The following ASTN2 variants were observed in gnomAD, a reference collection of about 807,000 sequenced individuals.
ASTN2 encodes astrotactin-2.
In ASTN2, 54 loss-of-function variants were observed where a neutral mutation model predicts 139.8. The observed-to-expected ratio is 0.39, with a 90% CI of 0.31 to 0.48. ASTN2 has a LOEUF of 0.48. Among genes scored for constraint, ASTN2 ranks in the 20% least tolerant of loss-of-function variants. The pLI is 0.95. For missense variants in ASTN2, 1,565 were observed against 1,725.1 expected, an observed-to-expected ratio of 0.91 and a Z score of 1.64; for synonymous variants, 756 against 719.5, an observed-to-expected ratio of 1.05 and a Z score of -0.81.
chr9:117,113,611 G>A (rs577020694), intron 4 of ASTN2, among the ~76,000 whole-genome samples: 13 of 152,164 alleles, frequency 8.5e-5, no homozygotes, highest in East Asian at 3.9e-4. Flanking sequence ...AGCCGAGATC[G>A]CACCATTGCG....
chr9:116,507,062 T>C (rs902784791), intron 19 of ASTN2, among the ~76,000 whole-genome samples: 2 of 152,206 alleles, frequency 1.3e-5, no homozygotes, highest in Non-Finnish European at 2.9e-5. Flanking sequence ...TCAGGCACTG[T>C]GCTTGGTGCT....
At chr9:116,520,843 G>A (rs1850839373) in intron 19 of ASTN2, among the ~76,000 whole-genome samples, 1 of 152,020 alleles carries the variant, frequency 6.6e-6, no homozygotes, top group Admixed American at 6.6e-5. Flanking sequence ...CAGTAGCACT[G>A]ATATACAACA....
chr9:116,530,125 A>ATG (rs1218758211), intron 19 of ASTN2, among the ~76,000 whole-genome samples: 4 of 52,934 alleles, frequency 7.6e-5, no homozygotes, highest in Admixed American at 7.3e-4. Flanking sequence ...ATATATATAT[A>ATG]TATATATATA....
intron 16 of ASTN2, among the ~76,000 whole-genome samples, chr9:116,673,214 A>G (rs1859305368): frequency 6.6e-6 from 1 of 152,076 alleles, no homozygotes; most frequent in Non-Finnish European, 1.5e-5. Context: ...GTGTTCTTTC[A>G]TTTTCAATAA....
intron 13 of ASTN2, among the ~76,000 whole-genome samples, chr9:116,801,321 G>A (rs1401107709): frequency 2.6e-5 from 4 of 152,132 alleles, no homozygotes; most frequent in South Asian, 2.1e-4. Context: ...GGTGGCTCAC[G>A]CCTGTAATCC....
intron 3 of ASTN2, among the ~76,000 whole-genome samples, chr9:117,177,705 A>C (rs997872226): frequency 2.6e-5 from 4 of 152,230 alleles, no homozygotes; most frequent in African/African-American, 9.7e-5. Context: ...GAGGATTGCT[A>C]ATATAATTAA....
chr9:117,074,412 C>T (rs1256382426), intron 5 of ASTN2, among the ~76,000 whole-genome samples: 1 of 152,164 alleles, frequency 6.6e-6, no homozygotes, highest in Non-Finnish European at 1.5e-5. Context: ...TTTTTCCCAA[C>T]CAGACCTGCT....
chr9:117,114,188 G>C (rs1321991865), intron 4 of ASTN2, among the ~76,000 whole-genome samples: 1 of 136,182 alleles, frequency 7.3e-6, no homozygotes, highest in Non-Finnish European at 1.6e-5. Context: ...TAAAAAAAAA[G>C]TCTATGGGAT....
chr9:116,698,889 G>A lies in ASTN2; in HGVS notation c.2806+26882C>T. ...AGTCAGTCTCTACGTGACCAGTCAAGGTGAAGTACTAGTCGCTGACCGTGG... is the reference window on the plus strand; with the variant it reads ...AGTCAGTCTCTACGTGACCAGTCAAAGTGAAGTACTAGTCGCTGACCGTGG... On this transcript the variant is annotated intron_variant, in intron 16 of 22. Coordinates refer to ENST00000313400, the MANE Select transcript of ASTN2 (RefSeq NM_001365068.1). The surrounding 1 kb of genome is among the most constrained non-coding windows in gnomAD (Gnocchi z 4.4). 1 of 1,614,224 alleles carries A rather than the reference G, an allele frequency of 6.2e-7. No individual in the cohort carries two copies. The highest frequency in any genetic ancestry group is 8.5e-7 in the Non-Finnish European group (1 of 1,180,044).
intron 3 of ASTN2, among the ~76,000 whole-genome samples, chr9:117,150,414 T>C (rs941532822): frequency 3.9e-5 from 6 of 152,174 alleles, no homozygotes; most frequent in African/African-American, 1.4e-4. Context: ...GTTGATACTA[T>C]AGGCCCACAA....
At chr9:116,946,288 T>G (rs1342862365) in intron 10 of ASTN2, among the ~76,000 whole-genome samples, 1 of 152,210 alleles carries the variant, frequency 6.6e-6, no homozygotes. Context: ...GAGTTTCTAC[T>G]GTCCCTGAGG....
intron 3 of ASTN2, among the ~76,000 whole-genome samples, chr9:117,164,120 T>C (rs889123761): frequency 1.3e-5 from 2 of 152,136 alleles, no homozygotes; most frequent in African/African-American, 4.8e-5. Context: ...TATTTTCAAT[T>C]AAAACATTAC....
At chr9:116,783,205 T>C (rs1830266351) in intron 13 of ASTN2, among the ~76,000 whole-genome samples, 1 of 152,172 alleles carries the variant, frequency 6.6e-6, no homozygotes, top group African/African-American at 2.4e-5. Flanking sequence ...AATGAATGAA[T>C]GTATAAAACA....
intron 20 of ASTN2, among the ~76,000 whole-genome samples, chr9:116,443,131 A>G (rs897206283): frequency 1.3e-5 from 2 of 152,264 alleles, no homozygotes; most frequent in African/African-American, 2.4e-5. Context: ...ATGCGGGAGC[A>G]TGGGGAGTAT....
intron 3 of ASTN2, among the ~76,000 whole-genome samples, chr9:117,155,964 T>C (rs574629703): frequency 1.3e-5 from 2 of 152,072 alleles, no homozygotes; most frequent in African/African-American, 4.8e-5. Context: ...TGTTGACAGA[T>C]GAGTGTTACA....
chr9:117,048,750 G>C (rs928992739), intron 5 of ASTN2, among the ~76,000 whole-genome samples: 11 of 152,130 alleles, frequency 7.2e-5, no homozygotes, highest in African/African-American at 2.7e-4. Flanking sequence ...AGTTGGCATT[G>C]CTGTTATCCC....
At chr9:116,624,191 G>T (rs1856323188) in intron 17 of ASTN2, among the ~76,000 whole-genome samples, 1 of 152,152 alleles carries the variant, frequency 6.6e-6, no homozygotes, top group African/African-American at 2.4e-5. Flanking sequence ...AAACTAGGAT[G>T]TATTTCTGAC....
intron 5 of ASTN2, among the ~76,000 whole-genome samples, chr9:117,066,281 T>G (rs1056226277): frequency 6.9e-6 from 1 of 145,700 alleles, no homozygotes; most frequent in African/African-American, 2.5e-5. Context: ...TGGTTTTTTG[T>G]TCTTGTGATA....
chr9:116,646,856 C>T (rs1215760080), intron 17 of ASTN2, among the ~76,000 whole-genome samples: 2 of 152,222 alleles, frequency 1.3e-5, no homozygotes, highest in African/African-American at 4.8e-5. Flanking sequence ...TGGGGCTAAA[C>T]TCCTCACCAC....
Sources: allele counts gnomAD v4.1 joint callset (sites outside exome capture counted in the v4.1 genomes callset), GRCh38; gene constraint gnomAD v4.1.1; non-coding constraint Gnocchi (gnomAD v3.1); transcripts MANE v1.5; gene names NCBI Gene and HGNC (gene_info 2026-07-23, HGNC 2026-07-21).